Variants in RABGAP1L observed in about 807,000 individuals in gnomAD.
RABGAP1L encodes RAB GTPase activating protein 1 like.
RABGAP1L carries 63 observed loss-of-function variants against 137.7 expected under a neutral mutation model. That is an observed-to-expected ratio of 0.46 (90% CI 0.37 to 0.56). The LOEUF is 0.56. RABGAP1L is among the 20% of genes least tolerant of loss of function. RABGAP1L has a pLI of 0.00. For missense variants in RABGAP1L, 1,095 were observed against 1,244.0 expected (o/e 0.88, Z 1.80); for synonymous variants, 431 against 433.7 (o/e 0.99, Z 0.08).
At chr1:174,522,935 C>T (rs376255960) in intron 13 of RABGAP1L, among the ~76,000 whole-genome samples, 1 of 152,212 alleles carries the variant, frequency 6.6e-6, no homozygotes, top group South Asian at 2.1e-4. Flanking sequence ...TCACCTCCAA[C>T]ACTGAGGATT....
At chr1:174,650,894 T>C (rs1332080732) in intron 14 of RABGAP1L, among the ~76,000 whole-genome samples, 2 of 142,218 alleles carry the variant, frequency 1.4e-5, no homozygotes, top group Non-Finnish European at 3.0e-5. Context: ...ATGTGTTTGC[T>C]CTTGCTTTTC....
chr1:174,432,391 G>GC (rs2149200808), intron 13 of RABGAP1L, among the ~76,000 whole-genome samples: 1 of 152,070 alleles, frequency 6.6e-6, no homozygotes, highest in Admixed American at 6.5e-5. Context: ...ATTTTAAAAA[G>GC]CCCCCCATTT....
chr1:174,419,333 C>G (rs1483486517), intron 13 of RABGAP1L, among the ~76,000 whole-genome samples: 2 of 152,192 alleles, frequency 1.3e-5, no homozygotes, highest in Non-Finnish European at 2.9e-5. Context: ...AATGTCAACA[C>G]TACTACTAGT....
chr1:174,406,555 A>T (rs1649304605), intron 13 of RABGAP1L, among the ~76,000 whole-genome samples: 1 of 152,206 alleles, frequency 6.6e-6, no homozygotes, highest in Non-Finnish European at 1.5e-5. Context: ...ACTAGATTTC[A>T]CTGAGAGTCA....
chr1:174,533,519 G>A (rs1004666026), intron 13 of RABGAP1L, among the ~76,000 whole-genome samples: 3 of 152,120 alleles, frequency 2.0e-5, no homozygotes, highest in South Asian at 4.2e-4. Context: ...AGACGATGAC[G>A]ATGAAGACTT....
intron 19 of RABGAP1L, chr1:174,875,725 C>CTTATAA: frequency 1.0e-6 from 1 of 979,152 alleles, no homozygotes; most frequent in Non-Finnish European, 1.2e-6. Flanking sequence ...TATGAACTGC[C>CTTATAA]TGGACACCTT....
intron 19 of RABGAP1L, among the ~76,000 whole-genome samples, chr1:174,947,324 G>A (rs991491094): frequency 6.6e-6 from 1 of 151,338 alleles, no homozygotes; most frequent in Non-Finnish European, 1.5e-5. Context: ...CTGACCTCAG[G>A]TGATCCACCT....
intron 19 of RABGAP1L, among the ~76,000 whole-genome samples, chr1:174,833,449 G>GAGATATATATATATATATATATATATAT (rs1553259972): frequency 2.5e-4 from 7 of 27,852 alleles, no homozygotes; most frequent in South Asian, 4.2e-3. Flanking sequence ...TGTGTGTAGA[G>GAGATATATATATATATATATATATATAT]ATATATATAT....
At chr1:174,857,518 T>C (rs1442087260) in intron 19 of RABGAP1L, among the ~76,000 whole-genome samples, 1 of 152,224 alleles carries the variant, frequency 6.6e-6, no homozygotes, top group African/African-American at 2.4e-5. Flanking sequence ...GTATCTTATA[T>C]TTATGAGTAA....
chr1:174,788,104 A>G (rs1687592524), intron 18 of RABGAP1L, among the ~76,000 whole-genome samples: 2 of 152,194 alleles, frequency 1.3e-5, no homozygotes, highest in Admixed American at 6.5e-5. Context: ...GGGTGTCCCT[A>G]AGCAATTGAA....
chr1:174,804,472 C>A (rs1457631628), intron 18 of RABGAP1L, among the ~76,000 whole-genome samples: 1 of 151,792 alleles, frequency 6.6e-6, no homozygotes, highest in Non-Finnish European at 1.5e-5. Context: ...GGTTTCATCT[C>A]ATCTCTACAA....
At chr1:174,175,094 T>C (rs1665723963) in intron 1 of RABGAP1L, among the ~76,000 whole-genome samples, 2 of 152,194 alleles carry the variant, frequency 1.3e-5, no homozygotes, top group South Asian at 2.1e-4. Flanking sequence ...ATTGTTTTTT[T>C]CAGCATGATT....
At chr1:174,611,711 T>A (rs1392596832) in intron 13 of RABGAP1L, among the ~76,000 whole-genome samples, 2 of 151,946 alleles carry the variant, frequency 1.3e-5, no homozygotes, top group Non-Finnish European at 2.9e-5. Flanking sequence ...TTCCATTTGT[T>A]TGTATCCTCT....
At chr1:174,755,675 A>G (rs1684690171) in intron 18 of RABGAP1L, among the ~76,000 whole-genome samples, 1 of 152,206 alleles carries the variant, frequency 6.6e-6, no homozygotes, top group South Asian at 2.1e-4. Flanking sequence ...ATGGTTATAT[A>G]AGTATGCATT....
At chr1:174,868,043 G>A (rs954699881) in intron 19 of RABGAP1L, among the ~76,000 whole-genome samples, 4 of 151,930 alleles carry the variant, frequency 2.6e-5, no homozygotes, top group Non-Finnish European at 5.9e-5. Context: ...TCTGCTCACC[G>A]CAGCCTCCGC....
chr1:174,779,046 T>C (rs1324385334), intron 18 of RABGAP1L, among the ~76,000 whole-genome samples: 1 of 152,224 alleles, frequency 6.6e-6, no homozygotes, highest in African/African-American at 2.4e-5. Context: ...AGGCAACTTG[T>C]GTACAGCACA....
At chr1:174,386,768 A>G (rs909408420) in intron 12 of RABGAP1L, among the ~76,000 whole-genome samples, 2 of 151,978 alleles carry the variant, frequency 1.3e-5, no homozygotes, top group African/African-American at 4.8e-5. Context: ...TGGCCTCCCA[A>G]AGTGCTGGGA....
intron 3 of RABGAP1L, among the ~76,000 whole-genome samples, chr1:174,226,514 T>G (rs1306311071): frequency 1.3e-5 from 2 of 151,964 alleles, no homozygotes; most frequent in African/African-American, 4.9e-5. Flanking sequence ...TGTAACAGGC[T>G]TATCACTTCA....
chr1:174,556,877 T>G (rs1476595117), intron 13 of RABGAP1L, among the ~76,000 whole-genome samples: 1 of 152,184 alleles, frequency 6.6e-6, no homozygotes, highest in East Asian at 1.9e-4. Context: ...GAGATTCACA[T>G]CTCTGAATTC....
Sources: gnomAD v4.1 joint callset for allele counts (sites outside exome capture counted in the v4.1 genomes callset) on GRCh38, gnomAD v4.1.1 for gene constraint, MANE v1.5 for transcripts, NCBI Gene and HGNC (gene_info 2026-07-23, HGNC 2026-07-21) for gene names.